The following PALS2 variants were observed in gnomAD, a reference collection of about 807,000 sequenced individuals.
PALS2 encodes the protein protein PALS2.
Under a neutral mutation model 61.6 loss-of-function variants are expected in PALS2, and 27 were observed. That is an observed-to-expected ratio of 0.44 (90% confidence interval 0.32 to 0.60). PALS2 has a LOEUF of 0.60. Among genes scored for constraint, PALS2 ranks in the 20% least tolerant of loss-of-function variants. The probability of loss-of-function intolerance (pLI) is 0.05; values close to 1 mark genes in which losing one functional copy is unlikely to be tolerated. For missense variants in PALS2, 554 were observed against 639.4 expected (o/e 0.87, Z 1.44); for synonymous variants, 236 against 218.6 (o/e 1.08, Z -0.70).
At chr7:24,608,499 T>G (rs1784004500) in intron 1 of PALS2, among the ~76,000 whole-genome samples, 1 of 152,206 alleles carries the variant, frequency 6.6e-6, no homozygotes, top group Non-Finnish European at 1.5e-5. Flanking sequence ...CTAACTTTAC[T>G]CATATTTGTC....
intron 9 of PALS2, among the ~76,000 whole-genome samples, chr7:24,677,243 G>A (rs1787661703): frequency 6.6e-6 from 1 of 152,200 alleles, no homozygotes; most frequent in Non-Finnish European, 1.5e-5. Context: ...CTTTGCTGAA[G>A]TTGCTTATCA....
At chr7:24,649,569 C>T in intron 3 of PALS2, 43 bp from the exon 4 acceptor site, 2 of 1,463,734 alleles carry the variant, frequency 1.4e-6, no homozygotes, top group Non-Finnish European at 1.8e-6. Flanking sequence ...CAAATTTCAT[C>T]CACATATCAT....
chr7:24,649,313 C>A (rs1786016737), intron 3 of PALS2, among the ~76,000 whole-genome samples: 1 of 151,978 alleles, frequency 6.6e-6, no homozygotes, highest in Non-Finnish European at 1.5e-5. Context: ...CTTCATTGCA[C>A]CAGACTGGAA....
chr7:24,613,718 T>C (rs1203846843), intron 1 of PALS2, among the ~76,000 whole-genome samples: 1 of 151,822 alleles, frequency 6.6e-6, no homozygotes, highest in African/African-American at 2.4e-5. Flanking sequence ...TTGTGTCCTT[T>C]ATCACATCTC....
At chr7:24,650,856 G>T in intron 5 of PALS2, 144 bp downstream of exon 5, 1 of 612,610 alleles carries the variant, frequency 1.6e-6, no homozygotes, top group Non-Finnish European at 2.7e-6. Flanking sequence ...ATTTTGTCAT[G>T]GGTGAATTTT....
intron 2 of PALS2, 59 bp from the exon 3 acceptor site, chr7:24,641,657 A>G (rs893956680): frequency 3.6e-6 from 5 of 1,395,778 alleles, no homozygotes; most frequent in Non-Finnish European, 4.9e-6. Flanking sequence ...GAAATAAACC[A>G]TGGTCTGGTG....
At chr7:24,681,533 T>C (rs2128033537) in intron 11 of PALS2, among the ~76,000 whole-genome samples, 1 of 152,126 alleles carries the variant, frequency 6.6e-6, no homozygotes, top group East Asian at 1.9e-4. Flanking sequence ...AGATTTTTTT[T>C]TTTTTTTTTT....
chr7:24,623,626 T>A, intron 1 of PALS2, 40 bp from the exon 2 acceptor site: 1 of 1,269,246 alleles, frequency 7.9e-7, no homozygotes, highest in Non-Finnish European at 1.1e-6. Context: ...TTTGTTTGTT[T>A]GTTTGTTTGT....
chr7:24,629,524 ACTAT>A (rs555931978), intron 2 of PALS2, among the ~76,000 whole-genome samples: 78 of 152,312 alleles, frequency 5.1e-4, no homozygotes, highest in African/African-American at 1.9e-3. Context: ...AACAAAAGAA[ACTAT>A]CATCGGAGTG....
rs1431999543 is a variant in PALS2 at position 24,689,186 on chromosome 7, C to CT, written c.*1572_*1573insT. On this transcript the variant is annotated 3_prime_UTR_variant, in exon 12 of 12. Coordinates refer to ENST00000222644, the MANE Select transcript of PALS2 (RefSeq NM_001303037.2). ...AGAAGCATTGACTTATACAAATTCC[C>CT]ACATTCACCTCAGTTAATATCTTCC... 6.6e-6 allele frequency: 1 copy of CT among 152,200 alleles called. No individual in the cohort carries two copies. The highest frequency in any genetic ancestry group is 1.5e-5 in the Non-Finnish European group (1 of 68,030). The allele number at this position is 152,200 out of a possible 1,614,324, so 9.4% of individuals were successfully genotyped here.
chr7:24,606,270 A>G (rs2128049724), intron 1 of PALS2, among the ~76,000 whole-genome samples: 1 of 152,290 alleles, frequency 6.6e-6, no homozygotes. Flanking sequence ...GAAATACTTT[A>G]CCCTAATTAC....
rs2128042344 is a variant in PALS2 at position 24,692,905 on chromosome 7, A to G, written c.*5291A>G. 6.6e-6 allele frequency: 1 copy of G among 152,332 alleles called. No individual in the cohort carries two copies. Among genetic ancestry groups the G allele is most frequent in the East Asian group, 1.9e-4 (1 of 5,194 alleles). The allele number at this position is 152,332 out of a possible 1,614,324, so 9.4% of individuals were successfully genotyped here. A position where few individuals can be genotyped will look rare whatever the true frequency, so the allele number is the denominator to read the frequency against. ...AAGGCATCTATTTCTTTATAGAAAG[A>G]AACATTCACAGTGAGGTCTTAGTTT... On this transcript the variant is annotated 3_prime_UTR_variant, in exon 12 of 12. Coordinates refer to ENST00000222644, the MANE Select transcript of PALS2 (RefSeq NM_001303037.2).
chr7:24,668,725 G>A, intron 9 of PALS2, 65 bp downstream of exon 9: 1 of 1,540,306 alleles, frequency 6.5e-7, no homozygotes, highest in Non-Finnish European at 8.9e-7. Flanking sequence ...ATGGAGGAAA[G>A]GGGGATTATT....
chr7:24,620,245 A>G (rs1217002521), intron 1 of PALS2: 1 of 152,174 alleles, frequency 6.6e-6, no homozygotes, highest in African/African-American at 2.4e-5. Flanking sequence ...AATCACTTGT[A>G]CTAAGTTGGG....
chr7:24,588,908 T>C (rs1425422607), intron 1 of PALS2, among the ~76,000 whole-genome samples: 1 of 152,224 alleles, frequency 6.6e-6, no homozygotes, highest in African/African-American at 2.4e-5. Flanking sequence ...ATTTTGTCCT[T>C]ATCCCACCTC....
intron 1 of PALS2, among the ~76,000 whole-genome samples, chr7:24,605,386 G>T (rs1783861174): frequency 6.6e-6 from 1 of 152,048 alleles, no homozygotes. Context: ...GAATAACATG[G>T]TTTCATATGT....
chr7:24,655,166 A>G (rs772376127), intron 5 of PALS2, among the ~76,000 whole-genome samples: 1 of 152,210 alleles, frequency 6.6e-6, no homozygotes. Flanking sequence ...ATTGGGGAGA[A>G]AAGTTTAATG....
At chr7:24,685,761 A>G (rs1015345522) in intron 11 of PALS2, among the ~76,000 whole-genome samples, 2 of 152,058 alleles carry the variant, frequency 1.3e-5, no homozygotes, top group Non-Finnish European at 2.9e-5. Flanking sequence ...AGCTGTTTCA[A>G]ACTCATTTAG....
intron 9 of PALS2, among the ~76,000 whole-genome samples, chr7:24,668,994 T>A (rs1380046140): frequency 6.6e-6 from 1 of 152,200 alleles, no homozygotes. Flanking sequence ...AAGTTGGATT[T>A]TTCAGCCATT....
Sources: allele counts gnomAD v4.1 joint callset (sites outside exome capture counted in the v4.1 genomes callset), GRCh38; gene constraint gnomAD v4.1.1; transcripts MANE v1.5; gene names NCBI Gene and HGNC (gene_info 2026-07-23, HGNC 2026-07-21).